The following PREX1 variants were observed in gnomAD, a reference collection of about 807,000 sequenced individuals.
The protein encoded by PREX1 is phosphatidylinositol-3,4,5-trisphosphate dependent Rac exchange factor 1.
A neutral mutation model predicts 198.3 loss-of-function variants in PREX1; 41 were observed. The observed-to-expected ratio is 0.21, with a 90% confidence interval of 0.16 to 0.27. The LOEUF (loss-of-function observed/expected upper bound fraction) is 0.27, where lower values mean the gene tolerates loss of function less well. Ranked by LOEUF, PREX1 falls within the 10% of genes least tolerant of loss-of-function variation. The probability of loss-of-function intolerance (pLI) is 1.00; values close to 1 mark genes in which losing one functional copy is unlikely to be tolerated. For missense variants in PREX1, 1,620 were observed against 2,200.7 expected (o/e 0.74, Z 5.28); for synonymous variants, 843 against 887.2 (o/e 0.95, Z 0.89).
At chr20:48,787,893 GTTTGT>G (rs2090320544) in intron 1 of PREX1, among the ~76,000 whole-genome samples, 1 of 152,154 alleles carries the variant, frequency 6.6e-6, no homozygotes, top group Non-Finnish European at 1.5e-5. Flanking sequence ...TATGGCTGTG[GTTTGT>G]TTTATCTTCT....
the PREX1 span, among the ~76,000 whole-genome samples, chr20:48,839,527 T>C: frequency 6.6e-6 from 1 of 152,236 alleles, no homozygotes; most frequent in East Asian, 1.9e-4. Flanking sequence ...GTTACCTTTT[T>C]CACTCAACAT....
intron 1 of PREX1, among the ~76,000 whole-genome samples, chr20:48,773,371 G>A (rs892154111): frequency 3.3e-5 from 5 of 151,842 alleles, no homozygotes; most frequent in African/African-American, 1.2e-4. Flanking sequence ...CCTACCAGAG[G>A]CACCTCTGGC....
chr20:48,720,492 C>A (rs2089980266), intron 5 of PREX1, among the ~76,000 whole-genome samples: 2 of 151,974 alleles, frequency 1.3e-5, no homozygotes, highest in Admixed American at 1.3e-4. Flanking sequence ...CACTGCAGCA[C>A]CAACCGTGGC....
At chr20:48,756,883 A>T (rs2090157811) in intron 1 of PREX1, among the ~76,000 whole-genome samples, 1 of 152,230 alleles carries the variant, frequency 6.6e-6, no homozygotes, top group African/African-American at 2.4e-5. Flanking sequence ...TCAAGGCAGA[A>T]GGCAAATGAG....
At chr20:48,665,131 C>T (rs189323895) in intron 15 of PREX1, among the ~76,000 whole-genome samples, 5 of 146,950 alleles carry the variant, frequency 3.4e-5, no homozygotes, top group East Asian at 2.0e-4. Flanking sequence ...CCACCCCAGA[C>T]GGCCTGAATT....
intron 1 of PREX1, among the ~76,000 whole-genome samples, chr20:48,763,310 G>A (rs1019518454): frequency 1.3e-5 from 2 of 152,240 alleles, no homozygotes; most frequent in Admixed American, 6.5e-5. Flanking sequence ...TGGCTGGAAG[G>A]AAAAGCCTCA....
intron 1 of PREX1, among the ~76,000 whole-genome samples, chr20:48,790,744 C>T (rs542918012): frequency 2.6e-5 from 4 of 152,260 alleles, no homozygotes; most frequent in East Asian, 1.9e-4. Context: ...CACTGAATGC[C>T]GAGACAGTGA....
rs62210156 is a variant in PREX1 at position 48,818,660 on chromosome 20, G to A, written c.219+8982C>T. On this transcript the variant is annotated intron_variant, in intron 1 of 39. Coordinates refer to ENST00000371941, the MANE Select transcript of PREX1 (RefSeq NM_020820.4). Reference sequence around the variant, plus strand: ...GGGCCTGAAAAATCCATCCCCCACAGGGCAGAGGTGAGAGCTAATAGACAG... The same window carrying A: ...GGGCCTGAAAAATCCATCCCCCACAAGGCAGAGGTGAGAGCTAATAGACAG... Among the ~76,000 whole-genome samples, 3 of 152,342 alleles carry A rather than the reference G, an allele frequency of 2.0e-5. No homozygotes were observed. The East Asian group carries it at 5.8e-4, about 29-fold the overall frequency.
At chr20:48,851,658 A>G in the PREX1 span, among the ~76,000 whole-genome samples, 1 of 152,154 alleles carries the variant, frequency 6.6e-6, no homozygotes, top group Non-Finnish European at 1.5e-5. Context: ...ATAGTATGGC[A>G]TGGTGCACGC....
intron 1 of PREX1, among the ~76,000 whole-genome samples, chr20:48,790,473 T>A (rs1196195866): frequency 6.6e-6 from 1 of 151,556 alleles, no homozygotes. Context: ...TTAAGAAGTT[T>A]AACAGGGAAA....
At chr20:48,713,857 T>TAAAAAAAAAA (rs71337452) in intron 5 of PREX1, among the ~76,000 whole-genome samples, 40 of 81,714 alleles carry the variant, frequency 4.9e-4, no homozygotes, top group Middle Eastern at 5.3e-3. Flanking sequence ...CCCAGAACTA[T>TAAAAAAAAAA]AAAAAAAAAA....
chr20:48,791,813 G>A (rs996845137), intron 1 of PREX1, among the ~76,000 whole-genome samples: 1 of 152,230 alleles, frequency 6.6e-6, no homozygotes, highest in African/African-American at 2.4e-5. Context: ...TGTTAAAAAT[G>A]TGATTGAGTT....
Position 48,625,800 on chromosome 20 carries a change from T to A in PREX1, c.*85A>T. 3 of 1,413,336 alleles carry A rather than the reference T, an allele frequency of 2.1e-6. No individual in the cohort carries two copies. Among genetic ancestry groups the A allele is most frequent in the Non-Finnish European group, 2.8e-6 (3 of 1,057,794 alleles). The allele number at this position is 1,413,336 out of a possible 1,614,324, so 87.5% of individuals were successfully genotyped here. A position where few individuals can be genotyped will look rare whatever the true frequency, so the allele number is the denominator to read the frequency against. ...GGGCGGCTGCGGAAGCCTTGGGCCA[T>A]CCCTGGAGAAGGCCAGCGCTGCCTG... is the stretch of plus-strand genomic sequence containing the variant. On this transcript the variant is annotated 3_prime_UTR_variant, in exon 40 of 40. Coordinates refer to ENST00000371941, the MANE Select transcript of PREX1 (RefSeq NM_020820.4).
chr20:48,625,776 G>A lies in PREX1; in HGVS notation c.*109C>T. 7.7e-7 allele frequency: 1 copy of A among 1,298,296 alleles called. No individual in the cohort carries two copies. The highest frequency in any genetic ancestry group is 1.0e-6 in the Non-Finnish European group (1 of 970,520). 80.4% of individuals were successfully genotyped at this position (1,298,296 alleles called of 1,614,324 possible). On this transcript the variant is annotated 3_prime_UTR_variant, in exon 40 of 40. Coordinates refer to ENST00000371941, the MANE Select transcript of PREX1 (RefSeq NM_020820.4). ...AGGACGCTGGGCAGGTCCCGGAACGGGCGGCTGCGGAAGCCTTGGGCCATC... is the reference window on the plus strand; with the variant it reads ...AGGACGCTGGGCAGGTCCCGGAACGAGCGGCTGCGGAAGCCTTGGGCCATC...
At chr20:48,815,691 G>C (rs1006362120) in intron 1 of PREX1, among the ~76,000 whole-genome samples, 1 of 152,172 alleles carries the variant, frequency 6.6e-6, no homozygotes, top group Non-Finnish European at 1.5e-5. Flanking sequence ...CAACAACCCA[G>C]TTGGCAAATC....
chr20:48,832,204 C>T (rs964090016), upstream of PREX1, among the ~76,000 whole-genome samples: 1 of 151,986 alleles, frequency 6.6e-6, no homozygotes, highest in East Asian at 1.9e-4. Flanking sequence ...TTAGAGTTTC[C>T]GTTGCCATGT....
intron 12 of PREX1, 107 bp downstream of exon 12, chr20:48,679,544 T>C: frequency 7.2e-7 from 1 of 1,383,802 alleles, no homozygotes; most frequent in East Asian, 2.3e-5. Flanking sequence ...TTGTGGGCAG[T>C]GGAGAAGGCA....
At chr20:48,678,940 C>T (rs2089728110) in intron 13 of PREX1, among the ~76,000 whole-genome samples, 1 of 152,070 alleles carries the variant, frequency 6.6e-6, no homozygotes, top group Non-Finnish European at 1.5e-5. Flanking sequence ...GATATGGAGG[C>T]GTTTGAAGGA....
At chr20:48,776,183 C>A (rs1050851899) in intron 1 of PREX1, among the ~76,000 whole-genome samples, 1 of 152,116 alleles carries the variant, frequency 6.6e-6, no homozygotes, top group Non-Finnish European at 1.5e-5. Context: ...AATGGGGACA[C>A]AAGTCCTGCC....
Sources: gnomAD v4.1 joint callset for allele counts (sites outside exome capture counted in the v4.1 genomes callset) on GRCh38, gnomAD v4.1.1 for gene constraint, MANE v1.5 for transcripts, NCBI Gene and HGNC (gene_info 2026-07-23, HGNC 2026-07-21) for gene names.